The following PM20D2 variants were observed in gnomAD, a reference collection of about 807,000 sequenced individuals.
The protein encoded by PM20D2 is xaa-Arg dipeptidase.
PM20D2 carries 33 observed loss-of-function variants against 42.9 expected under a neutral mutation model. The observed-to-expected ratio is 0.77, with a 90% CI of 0.58 to 1.03. PM20D2 has a LOEUF of 1.03. Among genes scored for constraint, PM20D2 ranks in the 50% least tolerant of loss-of-function variants. The pLI, the probability that PM20D2 is intolerant of heterozygous loss-of-function variation, is 0.00. For missense variants in PM20D2, 548 were observed against 557.0 expected (o/e 0.98, Z 0.16); for synonymous variants, 250 against 228.2 (o/e 1.10, Z -0.86).
the PM20D2 span, chr6:89,105,338 T>A: frequency 6.4e-7 from 1 of 1,560,484 alleles, no homozygotes; most frequent in South Asian, 1.2e-5. Context: ...CTAGCAATCA[T>A]TTACTGAAAG....
chr6:89,112,771 C>T, the PM20D2 span, among the ~76,000 whole-genome samples: 1 of 152,076 alleles, frequency 6.6e-6, no homozygotes, highest in African/African-American at 2.4e-5. Flanking sequence ...TAGTTATGCA[C>T]CACATAACAA....
chr6:89,104,958 A>C, the PM20D2 span, among the ~76,000 whole-genome samples: 1 of 152,200 alleles, frequency 6.6e-6, no homozygotes, highest in Admixed American at 6.5e-5. Context: ...TGGGAGGCTG[A>C]GGTGAGAAAA....
the PM20D2 span, among the ~76,000 whole-genome samples, chr6:89,108,086 A>G: frequency 1.3e-5 from 2 of 152,232 alleles, no homozygotes; most frequent in Admixed American, 6.5e-5. Context: ...TAAACATAAA[A>G]CAAAGTAACT....
At position 89,161,881 on chromosome 6, in the gene PM20D2, G is replaced by C. The variant is rs891957115; in HGVS notation, c.1147G>C (p.Glu383Gln). ...CTTGAATCATACTGAACAGTACACTGAAGCTGCTGGTAAGTGTTGTTGGAT... is the reference window on the plus strand; with the variant it reads ...CTTGAATCATACTGAACAGTACACTCAAGCTGCTGGTAAGTGTTGTTGGAT... ...NALNHTEQYT[E>Q]AAGSQEAQFY... Residue 383 changes from glutamate to glutamine, a missense_variant, in exon 6 of 7, where the codon GAA (glutamate) becomes CAA (glutamine). This residue lies in a region of PM20D2 where 71 missense variants were observed against 69.7 expected (regional missense o/e 1.02). Transcript: ENST00000275072. The C allele has an allele frequency of 6.2e-7, 1 of 1,607,370 alleles. No homozygotes were observed. Among genetic ancestry groups the C allele is most frequent in the Non-Finnish European group, 8.5e-7 (1 of 1,174,036 alleles).
intron 4 of PM20D2, among the ~76,000 whole-genome samples, chr6:89,157,591 T>G (rs770547997): frequency 3.8e-4 from 58 of 152,358 alleles, no homozygotes; most frequent in Non-Finnish European, 4.4e-4. Flanking sequence ...AGTGTCAGTT[T>G]GCATATTGAA....
the PM20D2 span, among the ~76,000 whole-genome samples, chr6:89,137,632 A>C: frequency 6.6e-6 from 1 of 152,156 alleles, no homozygotes; most frequent in Admixed American, 6.5e-5. Context: ...AACTTACTTC[A>C]CCTTCACTGT....
chr6:89,102,142 G>C, the PM20D2 span, among the ~76,000 whole-genome samples: 1 of 149,206 alleles, frequency 6.7e-6, no homozygotes, highest in Non-Finnish European at 1.5e-5. Context: ...TTCAATTTTT[G>C]GTTTTGTTTG....
chr6:89,146,512 C>T lies in PM20D2; in HGVS notation c.368C>T (p.Ala123Val). ...GACGCGCTGCCCGGCATCGGCCACG[C>T]CTGCGGCCACAACCTCATCGCTGAG... ...EYDALPGIGH[A>V]CGHNLIAEVG... The change falls in exon 1 of 7, where the codon GCC becomes GTC. Residue 123 changes from alanine (A) to valine (V), a missense_variant. Physicochemically the swap from Ala to Val is moderately conservative, Grantham distance 64. Coordinates refer to ENST00000275072, the MANE Select transcript of PM20D2 (RefSeq NM_001010853.3). The T allele has an allele frequency of 6.6e-7, 1 of 1,520,888 alleles. No individual in the cohort carries two copies. The highest frequency in any genetic ancestry group is 8.8e-7 in the Non-Finnish European group (1 of 1,141,568). The allele number at this position is 1,520,888 out of a possible 1,614,324, so 94.2% of individuals were successfully genotyped here. A position where few individuals can be genotyped will look rare whatever the true frequency, so the allele number is the denominator to read the frequency against.
the PM20D2 span, among the ~76,000 whole-genome samples, chr6:89,134,607 A>G: frequency 5.3e-5 from 8 of 151,288 alleles, 1 homozygote; most frequent in African/African-American, 7.4e-5. Flanking sequence ...TCCCCTGTGC[A>G]GTGATACCAA....
At chr6:89,099,456 GTATATATGTGTGTGTATA>G in the PM20D2 span, among the ~76,000 whole-genome samples, 1 of 141,316 alleles carries the variant, frequency 7.1e-6, no homozygotes, top group Non-Finnish European at 1.5e-5. Flanking sequence ...ATATATGTGT[GTATATATGTGTGTGTATA>G]TATATATGTG....
the PM20D2 span, among the ~76,000 whole-genome samples, chr6:89,123,876 AATAAAAAC>A: frequency 6.6e-6 from 1 of 151,522 alleles, no homozygotes; most frequent in African/African-American, 2.4e-5. Context: ...CTCTAGTAAA[AATAAAAAC>A]AAATTAGTTG....
chr6:89,120,670 C>T, the PM20D2 span, among the ~76,000 whole-genome samples: 3 of 151,904 alleles, frequency 2.0e-5, no homozygotes, highest in African/African-American at 7.2e-5. Flanking sequence ...TCGTGACCAG[C>T]TGGGCAACAT....
At chr6:89,101,583 G>A in the PM20D2 span, among the ~76,000 whole-genome samples, 1 of 151,984 alleles carries the variant, frequency 6.6e-6, no homozygotes, top group Non-Finnish European at 1.5e-5. Flanking sequence ...TTAGCTGGGT[G>A]TGGTGGCGGG....
At chr6:89,146,659 G>A (rs1310504357) in intron 1 of PM20D2, 50 bp downstream of exon 1, 4 of 1,322,768 alleles carry the variant, frequency 3.0e-6, no homozygotes, top group African/African-American at 1.7e-5. Flanking sequence ...CGGGTCGGGG[G>A]CGACCCGGGA....
chr6:89,151,730 A>T (rs889736858), intron 2 of PM20D2, among the ~76,000 whole-genome samples: 3 of 152,180 alleles, frequency 2.0e-5, no homozygotes, highest in African/African-American at 7.2e-5. Flanking sequence ...ATTAAATAGT[A>T]TGTCTTGAAA....
At chr6:89,099,014 C>T in the PM20D2 span, 1 of 1,494,126 alleles carries the variant, frequency 6.7e-7, no homozygotes, top group Non-Finnish European at 8.9e-7. Context: ...ATAACACTTT[C>T]AGGAACTTAC....
chr6:89,104,578 ATTATC>A, the PM20D2 span, among the ~76,000 whole-genome samples: 3 of 150,902 alleles, frequency 2.0e-5, no homozygotes, highest in Admixed American at 1.3e-4. Context: ...CTCACTATAT[ATTATC>A]TTCTCATGTA....
upstream of PM20D2, among the ~76,000 whole-genome samples, chr6:89,144,543 C>A (rs1164414852): frequency 6.6e-6 from 1 of 152,220 alleles, no homozygotes; most frequent in Non-Finnish European, 1.5e-5. Context: ...CCACTACTTA[C>A]TAGCTCTATA....
chr6:89,107,149 GATATTGAAC>G, the PM20D2 span: 1 of 1,612,244 alleles, frequency 6.2e-7, no homozygotes, highest in Non-Finnish European at 8.5e-7. Context: ...TAAAATAAAG[GATATTGAAC>G]ATAAGCAAAT....
Sources: gnomAD v4.1 joint callset for allele counts (sites outside exome capture counted in the v4.1 genomes callset) on GRCh38, gnomAD v4.1.1 for gene constraint, gnomAD v4.1.1 regional missense constraint, MANE v1.5 for transcripts, NCBI Gene and HGNC (gene_info 2026-07-23, HGNC 2026-07-21) for gene names.